MVD: variants seen among roughly 807,000 people sequenced by gnomAD.
The protein encoded by MVD is mevalonate diphosphate decarboxylase.
MVD carries 52 observed loss-of-function variants against 42.4 expected under a neutral mutation model. The observed-to-expected ratio is 1.23, with a 90% CI of 0.98 to 1.55. The LOEUF is 1.55. Ranked by LOEUF, MVD falls within the 40% of genes most tolerant of loss-of-function variation. The pLI, the probability that MVD is intolerant of heterozygous loss-of-function variation, is 0.00. For synonymous variants in MVD, 287 were observed against 243.2 expected, an observed-to-expected ratio of 1.18 and a Z score of -1.68; for missense variants, 663 against 572.1, an observed-to-expected ratio of 1.16 and a Z score of -1.62.
intron 1 of MVD, among the ~76,000 whole-genome samples, chr16:88,660,318 T>G (rs4782394): frequency 0.12 from 18,168 of 152,250 alleles, 1,279 homozygotes; most frequent in Non-Finnish European, 0.15. Flanking sequence ...CCAGAGTCTC[T>G]GAACGTTACA....
chr16:88,660,700 A>C (rs1908236508), intron 1 of MVD: 2 of 149,012 alleles, frequency 1.3e-5, no homozygotes, highest in African/African-American at 4.9e-5. Flanking sequence ...ATATAAAATA[A>C]ATAAATATAA....
At chr16:88,657,799 G>A (rs1908030750) in intron 3 of MVD, 116 bp downstream of exon 3, 1 of 1,297,134 alleles carries the variant, frequency 7.7e-7, no homozygotes. Context: ...GGGCATGTCT[G>A]GTTCCCAGCC....
chr16:88,660,020 C>T (rs1193705416), intron 1 of MVD, among the ~76,000 whole-genome samples: 1 of 151,908 alleles, frequency 6.6e-6, no homozygotes, highest in African/African-American at 2.4e-5. Flanking sequence ...AGATCCCTCC[C>T]ACACTCCAGG....
chr16:88,652,053 C>T lies in MVD; in HGVS notation c.*472G>A, dbSNP rs1170786774. On this transcript the variant is annotated 3_prime_UTR_variant, in exon 10 of 10. Transcript: ENST00000301012. Reference sequence around the variant, plus strand: ...CAGCCACCCTCCGAGACACCTGGGCCGGGGGCAGGGTCTCAGCAGAAGCGC... The same window carrying T: ...CAGCCACCCTCCGAGACACCTGGGCTGGGGGCAGGGTCTCAGCAGAAGCGC... The T allele has an allele frequency of 2.0e-5, 4 of 202,344 alleles. No individual in the cohort carries two copies. Among genetic ancestry groups the T allele is most frequent in the African/African-American group, 2.4e-5 (1 of 41,748 alleles). 12.5% of individuals were successfully genotyped at this position (202,344 alleles called of 1,614,324 possible).
At chr16:88,661,774 G>A (rs1428866864) in intron 1 of MVD, among the ~76,000 whole-genome samples, 1 of 150,582 alleles carries the variant, frequency 6.6e-6, no homozygotes, top group Non-Finnish European at 1.5e-5. Context: ...GTGAGGATGC[G>A]GAAAATCTGC....
At chr16:88,662,679 C>A in intron 1 of MVD, 1 of 1,328,406 alleles carries the variant, frequency 7.5e-7, no homozygotes. Flanking sequence ...GTAGCTGGAG[C>A]CACAAACGCG....
At chr16:88,654,544 C>A (rs1360711281) in intron 8 of MVD, 148 bp downstream of exon 8, 4 of 722,356 alleles carry the variant, frequency 5.5e-6, no homozygotes, top group African/African-American at 1.9e-5. Flanking sequence ...ATGGGGACAC[C>A]CTGCCCGTGG....
chr16:88,662,320 T>C (rs1246608725), intron 1 of MVD, among the ~76,000 whole-genome samples: 1 of 152,194 alleles, frequency 6.6e-6, no homozygotes, highest in East Asian at 1.9e-4. Context: ...CCACATTCTA[T>C]GCTGAATGAA....
At position 88,657,760 on chromosome 16, in the gene MVD, G is replaced by T. The variant is rs77266147; in HGVS notation, c.256+155C>A. 4.7e-5 allele frequency: 58 copies of T among 1,235,906 alleles called. No homozygotes were observed. The East Asian group carries it at 1.5e-3, about 31-fold the overall frequency. 76.6% of individuals were successfully genotyped at this position (1,235,906 alleles called of 1,614,324 possible). A position where few individuals can be genotyped will look rare whatever the true frequency, so the allele number is the denominator to read the frequency against. On this transcript the variant is annotated intron_variant, in intron 3 of 9. Coordinates refer to ENST00000301012, the MANE Select transcript of MVD (RefSeq NM_002461.3). Reference sequence around the variant, plus strand: ...CCAAGCCCAGCTGGTCATTGAGGTGGGCCACTGCCCTGGAGCTGGCGGCCC... The same window carrying T: ...CCAAGCCCAGCTGGTCATTGAGGTGTGCCACTGCCCTGGAGCTGGCGGCCC...
At chr16:88,658,465 C>G (rs1240447112) in intron 2 of MVD, among the ~76,000 whole-genome samples, 185 bp downstream of exon 2, 1 of 152,068 alleles carries the variant, frequency 6.6e-6, no homozygotes, top group African/African-American at 2.4e-5. Context: ...GGGTCTCACT[C>G]TGTCACCCAG....
At chr16:88,659,632 C>G (rs778877229) in intron 1 of MVD, among the ~76,000 whole-genome samples, 7 of 152,150 alleles carry the variant, frequency 4.6e-5, no homozygotes, top group Non-Finnish European at 1.0e-4. Flanking sequence ...CAAAGCCAGC[C>G]CTCCCTAGCA....
intron 7 of MVD, 26 bp from the exon 8 acceptor site, chr16:88,654,833 C>A: frequency 6.5e-7 from 1 of 1,546,866 alleles, no homozygotes; most frequent in South Asian, 1.2e-5. Flanking sequence ...GTCACCCTGG[C>A]TATTCACGTG....
intron 4 of MVD, 60 bp downstream of exon 4, chr16:88,657,376 G>A (rs753030892): frequency 6.5e-7 from 1 of 1,537,660 alleles, no homozygotes; most frequent in South Asian, 1.2e-5. Flanking sequence ...CCCGGGAAGA[G>A]CATGAAGTGG....
chr16:88,657,236 C>T (rs767448119), intron 4 of MVD, 200 bp downstream of exon 4: 34 of 805,122 alleles, frequency 4.2e-5, no homozygotes, highest in South Asian at 5.8e-5. Flanking sequence ...GAGAGCCCCA[C>T]GCCAGCTGCA....
At position 88,652,517 on chromosome 16, in the gene MVD, T is replaced by C. The variant is rs1446187246; in HGVS notation, c.*8A>G. On this transcript the variant is annotated 3_prime_UTR_variant, in exon 10 of 10. Transcript: ENST00000301012. ...TCTCCAAGCGGCATGCGGTCCCTGC[T>C]GAGGCAGTCAGGCAGCTGGCTTCGG... 3 of 1,565,612 alleles carry C rather than the reference T, an allele frequency of 1.9e-6. No individual in the cohort carries two copies. The highest frequency in any genetic ancestry group is 3.7e-5 in the Admixed American group (2 of 53,412).
chr16:88,656,997 G>A (rs746897089), intron 4 of MVD: 1 of 354,178 alleles, frequency 2.8e-6, no homozygotes, highest in South Asian at 2.1e-5. Flanking sequence ...GTGCCCATTG[G>A]AATCCTCAGT....
At chr16:88,658,944 T>G in intron 1 of MVD, 3 of 503,320 alleles carry the variant, frequency 6.0e-6, no homozygotes, top group African/African-American at 1.9e-5. Context: ...CCAGCCAACC[T>G]CCGTCCCCGC....
chr16:88,653,513 C>T, intron 8 of MVD, 105 bp from the exon 9 acceptor site: 1 of 949,290 alleles, frequency 1.1e-6, no homozygotes, highest in East Asian at 2.9e-5. Context: ...TCCTGGCCGT[C>T]AGGGCTCAGG....
chr16:88,652,324 G>T lies in MVD; in HGVS notation c.*201C>A. The stretch of plus-strand genomic sequence containing the variant: ...CAAAGCGCTGGTGCAGCTTAGGGCA[G>T]CTGAAGCACTCGGCGGGGACCTCTC... On this transcript the variant is annotated 3_prime_UTR_variant, in exon 10 of 10. Transcript: ENST00000301012. The T allele has an allele frequency of 1.6e-6, 1 of 638,394 alleles. No individual in the cohort carries two copies. Among genetic ancestry groups the T allele is most frequent in the Non-Finnish European group, 2.8e-6 (1 of 355,306 alleles). 39.5% of individuals were successfully genotyped at this position (638,394 alleles called of 1,614,324 possible). A position where few individuals can be genotyped will look rare whatever the true frequency, so the allele number is the denominator to read the frequency against.
Sources: gnomAD v4.1 joint callset for allele counts (sites outside exome capture counted in the v4.1 genomes callset) on GRCh38, gnomAD v4.1.1 for gene constraint, MANE v1.5 for transcripts, NCBI Gene and HGNC (gene_info 2026-07-23, HGNC 2026-07-21) for gene names.